The following SPOCK3 variants were observed in gnomAD, a reference collection of about 807,000 sequenced individuals.
SPOCK3 encodes the protein testican-3.
In SPOCK3, 30 loss-of-function variants were observed where a neutral mutation model predicts 56.6. The observed-to-expected ratio is 0.53, with a 90% CI of 0.40 to 0.72. The LOEUF is 0.72. Ranked by LOEUF, SPOCK3 falls within the 30% of genes least tolerant of loss-of-function variation. The pLI is 0.00. For missense variants in SPOCK3, 527 were observed against 530.0 expected, an observed-to-expected ratio of 0.99 and a Z score of 0.06; for synonymous variants, 196 against 183.3, an observed-to-expected ratio of 1.07 and a Z score of -0.56.
intron 2 of SPOCK3, among the ~76,000 whole-genome samples, chr4:167,149,144 G>T (rs2150412773): frequency 6.6e-6 from 1 of 152,172 alleles, no homozygotes; most frequent in East Asian, 1.9e-4. Flanking sequence ...TTGGTCTAAA[G>T]GATATTTGAA....
intron 7 of SPOCK3, among the ~76,000 whole-genome samples, chr4:166,786,520 AT>A (rs762244875): frequency 7.2e-5 from 11 of 152,310 alleles, no homozygotes; most frequent in African/African-American, 2.4e-4. Context: ...AGAGAAAAAA[AT>A]ATCATGGCTT....
At chr4:166,742,927 A>C (rs1735050659) in intron 8 of SPOCK3, among the ~76,000 whole-genome samples, 1 of 152,122 alleles carries the variant, frequency 6.6e-6, no homozygotes, top group South Asian at 2.1e-4. Context: ...GCTAATTGAA[A>C]ATTTTCAAAA....
chr4:167,019,750 C>A (rs896268172), intron 3 of SPOCK3, among the ~76,000 whole-genome samples: 1 of 152,126 alleles, frequency 6.6e-6, no homozygotes, highest in East Asian at 1.9e-4. Context: ...TTTTTCTTCT[C>A]CTGAACATTT....
chr4:166,738,782 C>T (rs1399990962), intron 9 of SPOCK3, among the ~76,000 whole-genome samples: 1 of 151,660 alleles, frequency 6.6e-6, no homozygotes, highest in African/African-American at 2.4e-5. Flanking sequence ...ATCCATGTCG[C>T]TATAAAGGAC....
chr4:166,900,500 A>C (rs1170804882), intron 5 of SPOCK3, among the ~76,000 whole-genome samples: 2 of 152,162 alleles, frequency 1.3e-5, no homozygotes, highest in African/African-American at 4.8e-5. Context: ...GTAGCGAATA[A>C]GATGCAAGGA....
Position 166,769,627 on chromosome 4 carries a change from C to CG in SPOCK3, c.710-14899dup, listed in dbSNP as rs551929665. On this transcript the variant is annotated intron_variant, in intron 7 of 10. Transcript: ENST00000357545. ...GGGGGTGCCTCCCAGTTAGGCTACT[C>CG]GGGGGTCAGGGACCCACTTGAGGAG... 3.3e-3 allele frequency among the ~76,000 whole-genome samples: 498 copies of CG among 152,246 alleles called. 3 individuals carry two copies. The highest frequency in any genetic ancestry group is 0.011 in the African/African-American group (457 of 41,544).
At chr4:166,859,286 A>T (rs1297526505) in intron 6 of SPOCK3, among the ~76,000 whole-genome samples, 2 of 152,184 alleles carry the variant, frequency 1.3e-5, no homozygotes, top group Admixed American at 6.6e-5. Flanking sequence ...TAAGTATTAT[A>T]AAAATATACA....
intron 6 of SPOCK3, among the ~76,000 whole-genome samples, chr4:166,802,978 G>C (rs1461751102): frequency 6.6e-6 from 1 of 152,100 alleles, no homozygotes; most frequent in Admixed American, 6.5e-5. Flanking sequence ...AGAGTCTGCG[G>C]TAGTGGTGTT....
chr4:166,819,325 T>A (rs1744687167), intron 6 of SPOCK3, among the ~76,000 whole-genome samples: 1 of 152,030 alleles, frequency 6.6e-6, no homozygotes, highest in Non-Finnish European at 1.5e-5. Flanking sequence ...ATCCAAGATA[T>A]CTGTTCTTAC....
intron 2 of SPOCK3, among the ~76,000 whole-genome samples, chr4:167,113,418 A>G (rs181717089): frequency 4.1e-4 from 62 of 151,720 alleles, no homozygotes; most frequent in Non-Finnish European, 5.4e-4. Flanking sequence ...TTTGCTCTCA[A>G]TTAAACACAA....
At chr4:166,926,079 GA>G (rs1265838538) in intron 4 of SPOCK3, among the ~76,000 whole-genome samples, 1 of 152,102 alleles carries the variant, frequency 6.6e-6, no homozygotes, top group Non-Finnish European at 1.5e-5. Context: ...AAAGCTTAGA[GA>G]AATTTTTATA....
At chr4:167,190,833 A>C (rs1283584261) in intron 2 of SPOCK3, among the ~76,000 whole-genome samples, 1 of 145,790 alleles carries the variant, frequency 6.9e-6, no homozygotes, top group Non-Finnish European at 1.5e-5. Flanking sequence ...TTTCATTTGT[A>C]TATCAAGTTT....
At chr4:166,738,970 T>C (rs908202675) in intron 9 of SPOCK3, among the ~76,000 whole-genome samples, 3 of 152,076 alleles carry the variant, frequency 2.0e-5, no homozygotes, top group African/African-American at 7.2e-5. Flanking sequence ...TTTATAGTCC[T>C]TTGGGTATAT....
chr4:167,134,022 C>CTTTTT (rs34410893), intron 2 of SPOCK3, among the ~76,000 whole-genome samples: 657 of 80,312 alleles, frequency 8.2e-3, no homozygotes, highest in East Asian at 0.013. Context: ...ACACCTTTTT[C>CTTTTT]TTTTTTTTTT....
intron 7 of SPOCK3, among the ~76,000 whole-genome samples, chr4:166,778,915 A>G (rs965787302): frequency 1.3e-5 from 2 of 152,130 alleles, no homozygotes; most frequent in Non-Finnish European, 2.9e-5. Context: ...CAGACTTTTT[A>G]GCCTGGAGAA....
chr4:167,101,707 C>T (rs761569622), intron 2 of SPOCK3, among the ~76,000 whole-genome samples: 4 of 147,340 alleles, frequency 2.7e-5, no homozygotes, highest in African/African-American at 7.4e-5. Flanking sequence ...ATTCATAATT[C>T]TTACTCTTTT....
rs1474856808 is a variant in SPOCK3, at chr4:166,927,450, T to C, written c.351-14707A>G. 2.0e-5 allele frequency among the ~76,000 whole-genome samples: 3 copies of C among 152,196 alleles called. No individual in the cohort carries two copies. The East Asian group carries it at 5.8e-4, about 29-fold the overall frequency. On this transcript the variant is annotated intron_variant, in intron 4 of 10. Transcript: ENST00000357545. ...ACCTTTCGCCATGATTGTGAGGCTT[T>C]CTCAACCACGTGGAACTGTGAGTCC...
intron 4 of SPOCK3, among the ~76,000 whole-genome samples, chr4:166,984,852 G>A (rs1418890061): frequency 2.0e-5 from 3 of 151,936 alleles, no homozygotes; most frequent in Non-Finnish European, 2.9e-5. Flanking sequence ...AAATTAATTT[G>A]TCCTCTGTAA....
At chr4:166,824,746 G>T (rs1482251837) in intron 6 of SPOCK3, among the ~76,000 whole-genome samples, 3 of 152,056 alleles carry the variant, frequency 2.0e-5, no homozygotes, top group Non-Finnish European at 1.5e-5. Flanking sequence ...CACTTTTGAT[G>T]ACAGTGTTAA....
Sources: allele counts gnomAD v4.1 joint callset (sites outside exome capture counted in the v4.1 genomes callset), GRCh38; gene constraint gnomAD v4.1.1; transcripts MANE v1.5; gene names NCBI Gene and HGNC (gene_info 2026-07-23, HGNC 2026-07-21).